The following TP53INP1 variants were observed in gnomAD, a reference collection of about 807,000 sequenced individuals.
TP53INP1 encodes tumor protein p53 inducible nuclear protein 1, also known as tumor protein p53-inducible nuclear protein 1.
TP53INP1 carries 12 observed loss-of-function variants against 21.0 expected under a neutral mutation model. The ratio of observed to expected loss-of-function variants is 0.57; its 90% confidence interval spans 0.37 to 0.93. The LOEUF (loss-of-function observed/expected upper bound fraction) is 0.93, where lower values mean the gene tolerates loss of function less well. Among genes scored for constraint, TP53INP1 ranks in the 40% least tolerant of loss-of-function variants. The pLI, the probability that TP53INP1 is intolerant of heterozygous loss-of-function variation, is 0.01. For missense variants in TP53INP1, 274 were observed against 294.7 expected (o/e 0.93, Z 0.51); for synonymous variants, 91 against 94.8 (o/e 0.96, Z 0.23).
intron 3 of TP53INP1, among the ~76,000 whole-genome samples, chr8:94,939,208 T>G (rs533797932): frequency 1.3e-5 from 2 of 152,316 alleles, no homozygotes; most frequent in South Asian, 4.1e-4. Flanking sequence ...GAAAATAAAT[T>G]TTAAGACATG....
intron 1 of TP53INP1, among the ~76,000 whole-genome samples, chr8:94,946,710 A>AAAAAAAAAAAAAAAAAAAAAAAC (rs1822042509): frequency 6.8e-6 from 1 of 147,938 alleles, no homozygotes; most frequent in South Asian, 2.2e-4. Context: ...AAAAAAAAAA[A>AAAAAAAAAAAAAAAAAAAAAAAC]AAAAAAAAAA....
chr8:94,932,578 C>A (rs574821276), intron 3 of TP53INP1, among the ~76,000 whole-genome samples: 1 of 152,098 alleles, frequency 6.6e-6, no homozygotes, highest in East Asian at 1.9e-4. Context: ...CTGAGGCGGG[C>A]GGATCGTGAG....
intron 3 of TP53INP1, chr8:94,939,569 G>T: frequency 3.0e-6 from 1 of 332,158 alleles, no homozygotes; most frequent in Non-Finnish European, 5.9e-6. Flanking sequence ...CTAATTTTTT[G>T]TTATTTTTTG....
chr8:94,931,228 G>A (rs1820360158), intron 3 of TP53INP1, among the ~76,000 whole-genome samples: 1 of 152,086 alleles, frequency 6.6e-6, no homozygotes, highest in South Asian at 2.1e-4. Flanking sequence ...CAGGAAACAT[G>A]CTTTAAATCT....
chr8:94,936,090 T>C (rs778769603), intron 3 of TP53INP1, among the ~76,000 whole-genome samples: 1 of 152,190 alleles, frequency 6.6e-6, no homozygotes, highest in South Asian at 2.1e-4. Flanking sequence ...CAGTAACAAC[T>C]ACTAGCACTT....
rs200076410 is a variant in TP53INP1, at chr8:94,946,506, GC to G, written c.-151+2647del. On this transcript the variant is annotated intron_variant, in intron 1 of 3. Transcript: ENST00000342697. Reference sequence around the variant, plus strand: ...ACTTTAAGCCAGGAGTTCAAGACCAGCCTGGGCAACAAAGCAAGACCCCATC... The same window carrying G: ...ACTTTAAGCCAGGAGTTCAAGACCAGCTGGGCAACAAAGCAAGACCCCATC... Among the ~76,000 whole-genome samples, 54 of 151,748 alleles carry G rather than the reference GC, an allele frequency of 3.6e-4. 1 individual carries two copies. The East Asian group carries it at 0.01, about 28-fold the overall frequency.
rs1820018369 is a variant in TP53INP1, at chr8:94,927,694, CAACA to C, written c.*2781_*2784del. On this transcript the variant is annotated 3_prime_UTR_variant, in exon 4 of 4. Transcript: ENST00000342697. ...AGATATATATTATAAAATGTTTTGT[CAACA>C]AAAACAAACTTTGAGAAACATGGCG... 1 of 152,062 alleles carries C rather than the reference CAACA, an allele frequency of 6.6e-6. No homozygotes were observed. The highest frequency in any genetic ancestry group is 2.4e-5 in the African/African-American group (1 of 41,396). The allele number at this position is 152,062 out of a possible 1,614,324, so 9.4% of individuals were successfully genotyped here.
chr8:94,930,360 A>G lies in TP53INP1; in HGVS notation c.*119T>C. 7.1e-7 allele frequency: 1 copy of G among 1,402,442 alleles called. No individual in the cohort carries two copies. Among genetic ancestry groups the G allele is most frequent in the East Asian group, 2.3e-5 (1 of 43,486 alleles). 86.9% of individuals were successfully genotyped at this position (1,402,442 alleles called of 1,614,324 possible). A position where few individuals can be genotyped will look rare whatever the true frequency, so the allele number is the denominator to read the frequency against. On this transcript the variant is annotated 3_prime_UTR_variant, in exon 4 of 4. Coordinates refer to ENST00000342697, the MANE Select transcript of TP53INP1 (RefSeq NM_033285.4). ...CAAGATAGTGTCTAAATACACTGAT[A>G]AAACTATGTGATTGGTTATCAATTG...
intron 1 of TP53INP1, among the ~76,000 whole-genome samples, chr8:94,942,968 T>C (rs577725036): frequency 2.0e-5 from 3 of 152,354 alleles, no homozygotes; most frequent in Non-Finnish European, 2.9e-5. Context: ...GGTTTCTGGC[T>C]TGGCCAACTG....
At chr8:94,942,080 T>A (rs186837238) in intron 1 of TP53INP1, among the ~76,000 whole-genome samples, 181 of 151,970 alleles carry the variant, frequency 1.2e-3, no homozygotes, top group African/African-American at 4.2e-3. Context: ...TTGCCCAGGC[T>A]GGAGTGCATG....
intron 1 of TP53INP1, among the ~76,000 whole-genome samples, chr8:94,948,892 T>G (rs1822272263): frequency 6.6e-6 from 1 of 150,400 alleles, no homozygotes; most frequent in African/African-American, 2.4e-5. Context: ...GCCGGGCCCT[T>G]GTCCGCGCCG....
At chr8:94,937,936 T>C (rs1380677459) in intron 3 of TP53INP1, among the ~76,000 whole-genome samples, 2 of 152,196 alleles carry the variant, frequency 1.3e-5, no homozygotes, top group African/African-American at 4.8e-5. Context: ...CTAGTATTGC[T>C]ACCTGCAATC....
intron 3 of TP53INP1, among the ~76,000 whole-genome samples, chr8:94,938,250 G>A (rs865803187): frequency 6.6e-5 from 10 of 152,200 alleles, no homozygotes; most frequent in African/African-American, 1.9e-4. Flanking sequence ...CATACAGTAC[G>A]ATGATGGATG....
Position 94,938,793 on chromosome 8 carries a change from C to T in TP53INP1, c.473+1067G>A, listed in dbSNP as rs973316742. Among the ~76,000 whole-genome samples, 7 of 152,130 alleles carry T rather than the reference C, an allele frequency of 4.6e-5. No individual in the cohort carries two copies. The South Asian group carries it at 1.5e-3, about 32-fold the overall frequency. Reference sequence around the variant, plus strand: ...TTTAATAAACTGGTAAACATGTTCCCCCAAGTTCTATAAGATGCTCTAGCA... The same window carrying T: ...TTTAATAAACTGGTAAACATGTTCCTCCAAGTTCTATAAGATGCTCTAGCA... On this transcript the variant is annotated intron_variant, in intron 3 of 3. Coordinates refer to ENST00000342697, the MANE Select transcript of TP53INP1 (RefSeq NM_033285.4).
At position 94,934,255 on chromosome 8, in the gene TP53INP1, A is replaced by G. The variant is rs570254291; in HGVS notation, c.474-3527T>C. ...AATTTTTGCATATTTGTATTTTCTA[A>G]TTTTTTTACATTGCATTTGTACTGT... On this transcript the variant is annotated intron_variant, in intron 3 of 3. Coordinates refer to ENST00000342697, the MANE Select transcript of TP53INP1 (RefSeq NM_033285.4). 1.6e-4 allele frequency among the ~76,000 whole-genome samples: 25 copies of G among 152,140 alleles called. No homozygotes were observed. In the South Asian group the frequency reaches 2.7e-3, roughly 16 times the overall value.
rs1001857039 is a variant in TP53INP1 at position 94,928,413 on chromosome 8, A to C, written c.*2066T>G. ...GAAGACATTAAGCTGGTCTATTTTC[A>C]AGTTACCAATGCATGGCCCTATAAC... On this transcript the variant is annotated 3_prime_UTR_variant, in exon 4 of 4. Transcript: ENST00000342697. 2.0e-5 allele frequency: 3 copies of C among 152,402 alleles called. No individual in the cohort carries two copies. The highest frequency in any genetic ancestry group is 7.2e-5 in the African/African-American group (3 of 41,462). 9.4% of individuals were successfully genotyped at this position (152,402 alleles called of 1,614,324 possible).
At chr8:94,947,851 C>T (rs548627822) in intron 1 of TP53INP1, among the ~76,000 whole-genome samples, 1 of 152,356 alleles carries the variant, frequency 6.6e-6, no homozygotes, top group South Asian at 2.1e-4. Context: ...GTCCTGGTTC[C>T]AGGCAGGGGC....
At chr8:94,942,362 C>T (rs1031794748) in intron 1 of TP53INP1, among the ~76,000 whole-genome samples, 7 of 152,156 alleles carry the variant, frequency 4.6e-5, no homozygotes, top group African/African-American at 1.7e-4. Flanking sequence ...CTCCTACTCA[C>T]CCCTCATCCC....
rs71273438 is a variant in TP53INP1, at chr8:94,946,696, C to CAAAAAAAAAAAAAAAAAAAAAA, written c.-151+2436_-151+2457dup. 3.7e-3 allele frequency among the ~76,000 whole-genome samples: 129 copies of CAAAAAAAAAAAAAAAAAAAAAA among 34,678 alleles called. 16 individuals are homozygous for CAAAAAAAAAAAAAAAAAAAAAA. The highest frequency in any genetic ancestry group is 8.3e-3 in the East Asian group (7 of 848). The allele number at this position is 34,678 out of a possible 152,430, so 22.8% of individuals were successfully genotyped here. ...TGGTCAACAGAGTAAGACCCTGTCT[C>CAAAAAAAAAAAAAAAAAAAAAA]AAAAAAAAAAAAAAAAAAAAAAAAG... On this transcript the variant is annotated intron_variant, in intron 1 of 3. Transcript: ENST00000342697.
Sources: gnomAD v4.1 joint callset for allele counts (sites outside exome capture counted in the v4.1 genomes callset) on GRCh38, gnomAD v4.1.1 for gene constraint, MANE v1.5 for transcripts, NCBI Gene and HGNC (gene_info 2026-07-23, HGNC 2026-07-21) for gene names.